Variants in CTDSPL2 observed in about 807,000 individuals in gnomAD.
CTDSPL2 encodes the protein CTD small phosphatase-like protein 2.
A neutral mutation model predicts 60.0 loss-of-function variants in CTDSPL2; 5 were observed. That is an observed-to-expected ratio of 0.08 (90% CI 0.04 to 0.18). CTDSPL2 has a LOEUF of 0.18. Ranked by LOEUF, CTDSPL2 falls within the 10% of genes least tolerant of loss-of-function variation. CTDSPL2 has a pLI of 1.00. For missense variants in CTDSPL2, 370 were observed against 548.8 expected (o/e 0.67, Z 3.26); for synonymous variants, 186 against 189.3 (o/e 0.98, Z 0.14).
At chr15:44,444,759 A>G (rs1442362242) in intron 1 of CTDSPL2, among the ~76,000 whole-genome samples, 5 of 133,914 alleles carry the variant, frequency 3.7e-5, no homozygotes, top group Non-Finnish European at 7.9e-5. Context: ...GCGTTTAGAT[A>G]TATAGTTTTC....
rs1342331027 is a variant in CTDSPL2 at position 44,528,055 on chromosome 15, A to G, written c.*3881A>G. 1.3e-5 allele frequency: 2 copies of G among 152,222 alleles called. No homozygotes were observed. Among genetic ancestry groups the G allele is most frequent in the South Asian group, 4.1e-4 (2 of 4,836 alleles). The allele number at this position is 152,222 out of a possible 1,614,324, so 9.4% of individuals were successfully genotyped here. On this transcript the variant is annotated 3_prime_UTR_variant, in exon 13 of 13. Transcript: ENST00000260327. ...CTCACTAACTAGGGTACATTTTTAT[A>G]AAATGTTTCTCTGTATCTTGAATTG...
rs1212107286 is a variant in CTDSPL2 at position 44,524,877 on chromosome 15, T to C, written c.*703T>C. The C allele has an allele frequency of 6.5e-6, 1 of 152,780 alleles. No homozygotes were observed. The highest frequency in any genetic ancestry group is 1.5e-5 in the Non-Finnish European group (1 of 68,136). The allele number at this position is 152,780 out of a possible 1,614,324, so 9.5% of individuals were successfully genotyped here. ...GAAAGACATGCATTTATATTTTGTTTCTGTAATATTCTACTGTAGGTGAAA... is the reference window on the plus strand; with the variant it reads ...GAAAGACATGCATTTATATTTTGTTCCTGTAATATTCTACTGTAGGTGAAA... On this transcript the variant is annotated 3_prime_UTR_variant, in exon 13 of 13. Coordinates refer to ENST00000260327, the MANE Select transcript of CTDSPL2 (RefSeq NM_016396.3).
At chr15:44,520,262 T>C in intron 11 of CTDSPL2, 1 of 151,832 alleles carries the variant, frequency 6.6e-6, no homozygotes, top group Non-Finnish European at 1.5e-5. Flanking sequence ...TTCTCCTGCC[T>C]CCACCTCCTT....
intron 1 of CTDSPL2, among the ~76,000 whole-genome samples, chr15:44,435,229 C>T (rs1567056848): frequency 6.7e-6 from 1 of 149,578 alleles, no homozygotes; most frequent in East Asian, 2.0e-4. Flanking sequence ...TGTGCCCTAG[C>T]CTGGGCGACA....
At chr15:44,434,212 C>T (rs2079926019) in intron 1 of CTDSPL2, among the ~76,000 whole-genome samples, 1 of 151,990 alleles carries the variant, frequency 6.6e-6, no homozygotes, top group South Asian at 2.1e-4. Flanking sequence ...TCATCCTGGC[C>T]AACATGGCGA....
intron 10 of CTDSPL2, 192 bp from the exon 11 acceptor site, chr15:44,518,976 CT>C (rs2081708377): frequency 5.7e-6 from 2 of 350,832 alleles, no homozygotes; most frequent in African/African-American, 2.1e-5. Context: ...TGGTTGTAAG[CT>C]TTCAGTAATT....
intron 2 of CTDSPL2, among the ~76,000 whole-genome samples, chr15:44,464,649 C>G (rs771480771): frequency 6.6e-6 from 1 of 152,190 alleles, no homozygotes; most frequent in African/African-American, 2.4e-5. Flanking sequence ...TGGTCTGTGT[C>G]TGCATCTTTA....
At chr15:44,433,330 G>GAA (rs1020559472) in intron 1 of CTDSPL2, among the ~76,000 whole-genome samples, 87 of 63,902 alleles carry the variant, frequency 1.4e-3, no homozygotes, top group African/African-American at 3.0e-3. Flanking sequence ...CTGTCTCAAA[G>GAA]AAAAAAAAAA....
chr15:44,518,260 G>T (rs1767049822), intron 10 of CTDSPL2, among the ~76,000 whole-genome samples: 1 of 152,092 alleles, frequency 6.6e-6, no homozygotes, highest in Non-Finnish European at 1.5e-5. Context: ...ATACAGAATA[G>T]AGTACTTCAA....
intron 8 of CTDSPL2, among the ~76,000 whole-genome samples, chr15:44,511,348 T>C (rs75648306): frequency 0.023 from 3,558 of 152,352 alleles, 82 homozygotes; most frequent in East Asian, 0.098. Context: ...AATGAAGTTA[T>C]AGCTTTGACC....
At chr15:44,515,487 TGCA>T (rs1298927432) in intron 10 of CTDSPL2, among the ~76,000 whole-genome samples, 4 of 152,194 alleles carry the variant, frequency 2.6e-5, no homozygotes, top group Non-Finnish European at 4.4e-5. Flanking sequence ...ATAGTAAGAC[TGCA>T]GCAGTCTTGC....
At chr15:44,439,362 C>T (rs1014386955) in intron 1 of CTDSPL2, among the ~76,000 whole-genome samples, 6 of 151,656 alleles carry the variant, frequency 4.0e-5, no homozygotes, top group African/African-American at 7.3e-5. Context: ...TTGACCAGGC[C>T]GGTCTCGAAC....
At chr15:44,498,758 G>A (rs140292575) in intron 7 of CTDSPL2, among the ~76,000 whole-genome samples, 143 of 152,032 alleles carry the variant, frequency 9.4e-4, no homozygotes, top group African/African-American at 3.1e-3. Context: ...AATTAGCCGG[G>A]CGTGGTGGTG....
At chr15:44,508,683 G>C (rs1031113144) in intron 8 of CTDSPL2, among the ~76,000 whole-genome samples, 1 of 152,134 alleles carries the variant, frequency 6.6e-6, no homozygotes, top group East Asian at 1.9e-4. Flanking sequence ...AGCACTTTGG[G>C]AGGCTGAGGC....
chr15:44,463,266 C>T (rs1006287242), intron 2 of CTDSPL2, among the ~76,000 whole-genome samples: 5 of 152,074 alleles, frequency 3.3e-5, no homozygotes, highest in Admixed American at 2.0e-4. Flanking sequence ...CTCAGCCTCC[C>T]GAGTAGCTGG....
chr15:44,455,970 C>T (rs1198431115), intron 1 of CTDSPL2, among the ~76,000 whole-genome samples: 7 of 150,548 alleles, frequency 4.6e-5, no homozygotes, highest in African/African-American at 7.3e-5. Flanking sequence ...CCTGCCTCAG[C>T]CTCCCGAGTA....
At chr15:44,505,070 T>C (rs898050464) in intron 8 of CTDSPL2, among the ~76,000 whole-genome samples, 3 of 152,180 alleles carry the variant, frequency 2.0e-5, no homozygotes, top group Non-Finnish European at 4.4e-5. Flanking sequence ...CTCAAAAATA[T>C]GGAAAAATAT....
chr15:44,439,626 G>A (rs1394413132), intron 1 of CTDSPL2, among the ~76,000 whole-genome samples: 2 of 151,904 alleles, frequency 1.3e-5, no homozygotes, highest in Middle Eastern at 3.4e-3. Flanking sequence ...GGATTATGGA[G>A]CATTTCAGGT....
At chr15:44,486,128 A>G (rs1044460413) in intron 3 of CTDSPL2, among the ~76,000 whole-genome samples, 33 of 152,304 alleles carry the variant, frequency 2.2e-4, no homozygotes, top group African/African-American at 7.7e-4. Flanking sequence ...TTTCGCTGTC[A>G]TTCATTAGAT....
Sources: gnomAD v4.1 joint callset for allele counts (sites outside exome capture counted in the v4.1 genomes callset) on GRCh38, gnomAD v4.1.1 for gene constraint, MANE v1.5 for transcripts, NCBI Gene and HGNC (gene_info 2026-07-23, HGNC 2026-07-21) for gene names.